Variants in EHD3 observed in about 807,000 individuals in gnomAD.
The protein encoded by EHD3 is EH domain-containing protein 3.
Under a neutral mutation model 43.0 loss-of-function variants are expected in EHD3, and 17 were observed. That is an observed-to-expected ratio of 0.40 (90% confidence interval 0.27 to 0.59). The LOEUF is 0.59. EHD3 is among the 20% of genes least tolerant of loss of function. EHD3 has a pLI of 0.49. For missense variants in EHD3, 594 were observed against 705.6 expected (o/e 0.84, Z 1.79); for synonymous variants, 313 against 289.5 (o/e 1.08, Z -0.82).
At chr2:31,263,530 C>T (rs1307263272) in intron 5 of EHD3, among the ~76,000 whole-genome samples, 3 of 152,110 alleles carry the variant, frequency 2.0e-5, no homozygotes, top group African/African-American at 7.2e-5. Context: ...CCAAACATAC[C>T]TAGATGTGAG....
chr2:31,266,461 G>A lies in EHD3; in HGVS notation c.1365G>A (p.Leu455=), dbSNP rs148305052. Residue 455 remains leucine, a synonymous_variant, in exon 6 of 6, where the codon CTG becomes CTA. Coordinates refer to ENST00000322054, the MANE Select transcript of EHD3 (RefSeq NM_014600.3). The surrounding 1 kb of genome is among the most constrained non-coding windows in gnomAD (Gnocchi z 5.1). ...KPMYDEIFYT[L]SPVDGKITGA... is the part of the protein sequence containing the mutation. ...TGTACGACGAGATCTTCTACACCCTGTCACCGGTGGATGGCAAGATCACAG... is the reference window on the plus strand; with the variant it reads ...TGTACGACGAGATCTTCTACACCCTATCACCGGTGGATGGCAAGATCACAG... 8,053 of 1,614,170 alleles carry A rather than the reference G, an allele frequency of 5.0e-3. 31 individuals are homozygous for A. The highest frequency in any genetic ancestry group is 6.3e-3 in the Middle Eastern group (38 of 6,062).
intron 3 of EHD3, among the ~76,000 whole-genome samples, chr2:31,256,726 C>T (rs1572469983): frequency 6.6e-6 from 1 of 152,326 alleles, no homozygotes; most frequent in Non-Finnish European, 1.5e-5. Flanking sequence ...TCGCTGGTGT[C>T]ATCAGGGATT....
intron 3 of EHD3, among the ~76,000 whole-genome samples, chr2:31,254,424 T>C (rs1683705732): frequency 6.6e-6 from 1 of 152,218 alleles, no homozygotes; most frequent in Non-Finnish European, 1.5e-5. Flanking sequence ...TGGGCGCTCC[T>C]GTGCCTGGGC....
intron 5 of EHD3, among the ~76,000 whole-genome samples, chr2:31,264,675 A>G (rs937599825): frequency 6.6e-6 from 1 of 151,552 alleles, no homozygotes; most frequent in Non-Finnish European, 1.5e-5. Context: ...GACCACAGGC[A>G]TGTGCCACCA....
chr2:31,266,771 C>T lies in EHD3; in HGVS notation c.*67C>T. ...GATGGGAGCGGTGACTACACACACA[C>T]ACACACACACACACACACACACAAA... On this transcript the variant is annotated 3_prime_UTR_variant, in exon 6 of 6. Coordinates refer to ENST00000322054, the MANE Select transcript of EHD3 (RefSeq NM_014600.3). This position sits in a 1 kb window ranked among gnomAD's most constrained non-coding sequence, Gnocchi z 5.1. The T allele has an allele frequency of 1.5e-6, 2 of 1,341,544 alleles. No individual in the cohort carries two copies. The highest frequency in any genetic ancestry group is 1.0e-6 in the Non-Finnish European group (1 of 994,912). The allele number at this position is 1,341,544 out of a possible 1,614,324, so 83.1% of individuals were successfully genotyped here.
At chr2:31,234,928 A>G (rs1683295558) in intron 1 of EHD3, 80 bp downstream of exon 1, 2 of 1,369,330 alleles carry the variant, frequency 1.5e-6, no homozygotes, top group Non-Finnish European at 2.1e-6. Flanking sequence ...GCTCCATCCC[A>G]GACAGGGGAC....
chr2:31,257,551 C>A (rs544714500), intron 3 of EHD3, among the ~76,000 whole-genome samples: 52 of 152,316 alleles, frequency 3.4e-4, no homozygotes, highest in African/African-American at 1.2e-3. Context: ...TCTCTCCTCT[C>A]TGAACCTCAG....
chr2:31,246,060 T>C (rs1036575593), intron 2 of EHD3, among the ~76,000 whole-genome samples: 6 of 152,030 alleles, frequency 3.9e-5, no homozygotes, highest in African/African-American at 1.2e-4. Flanking sequence ...CTGAGAAATC[T>C]TGGGAACTTG....
At chr2:31,262,497 A>G (rs1683874103) in intron 5 of EHD3, among the ~76,000 whole-genome samples, 1 of 152,240 alleles carries the variant, frequency 6.6e-6, no homozygotes, top group Admixed American at 6.5e-5. Flanking sequence ...AGCCCTTAGC[A>G]CAAAGCCAGA....
At position 31,240,618 on chromosome 2, in the gene EHD3, G is replaced by A. The variant is rs186642361; in HGVS notation, c.228-3656G>A. ...CTCTAGGCCCTTGCCTGACCACCTC[G>A]GGCTGCAGCCCTGTAACTTCCCCGG... On this transcript the variant is annotated intron_variant, in intron 1 of 5. Transcript: ENST00000322054. 6.2e-3 allele frequency among the ~76,000 whole-genome samples: 945 copies of A among 152,246 alleles called. 12 individuals carry two copies. The highest frequency in any genetic ancestry group is 0.022 in the African/African-American group (898 of 41,552).
chr2:31,234,717 G>C lies in EHD3; in HGVS notation c.96G>C (p.Lys32Asn), dbSNP rs760138506. The change falls in exon 1 of 6, where the codon AAG becomes AAC. Residue 32 changes from lysine (K) to asparagine (N), a missense_variant. Physicochemically the swap from Lys to Asn is moderately conservative, Grantham distance 94 (BLOSUM62 0). Coordinates refer to ENST00000322054, the MANE Select transcript of EHD3 (RefSeq NM_014600.3). ...GGCTCAAGAAACTCTACAAGAGCAAGCTGCTGCCCTTGGAAGAGCATTACC... is the reference window on the plus strand; with the variant it reads ...GGCTCAAGAAACTCTACAAGAGCAACCTGCTGCCCTTGGAAGAGCATTACC... ...SEGLKKLYKS[K>N]LLPLEEHYRF... The C allele has an allele frequency of 2.5e-6, 4 of 1,614,106 alleles. No homozygotes were observed. Among genetic ancestry groups the C allele is most frequent in the African/African-American group, 2.7e-5 (2 of 74,950 alleles).
At chr2:31,248,536 C>T (rs1683571645) in intron 2 of EHD3, among the ~76,000 whole-genome samples, 1 of 152,152 alleles carries the variant, frequency 6.6e-6, no homozygotes, top group Non-Finnish European at 1.5e-5. Context: ...TTAGTGTCCC[C>T]AACAGCAGGA....
intron 3 of EHD3, among the ~76,000 whole-genome samples, chr2:31,259,506 G>T (rs1683807762): frequency 6.6e-6 from 1 of 152,064 alleles, no homozygotes. Flanking sequence ...AACTTCTCTG[G>T]GGCTCCTGTA....
chr2:31,267,089 CTT>C lies in EHD3; in HGVS notation c.*388_*389del, dbSNP rs1288695986. ...CCGGGCTCTGAGCAAATGGAAAAGA[CTT>C]TTCATTTAGTAGACAATTCACTTCT... On this transcript the variant is annotated 3_prime_UTR_variant, in exon 6 of 6. Transcript: ENST00000322054. 2 of 188,886 alleles carry C rather than the reference CTT, an allele frequency of 1.1e-5. No homozygotes were observed. Among genetic ancestry groups the C allele is most frequent in the Non-Finnish European group, 2.2e-5 (2 of 92,038 alleles). 11.7% of individuals were successfully genotyped at this position (188,886 alleles called of 1,614,324 possible).
intron 2 of EHD3, among the ~76,000 whole-genome samples, chr2:31,246,278 G>A (rs1282263254): frequency 6.6e-6 from 1 of 152,140 alleles, no homozygotes; most frequent in African/African-American, 2.4e-5. Flanking sequence ...GGGGTGGGAT[G>A]AGCATGATTC....
At chr2:31,245,221 G>A (rs1683494784) in intron 2 of EHD3, among the ~76,000 whole-genome samples, 1 of 152,132 alleles carries the variant, frequency 6.6e-6, no homozygotes, top group Admixed American at 6.5e-5. Context: ...CCTTCAGATA[G>A]ACCTGGGTTC....
At position 31,261,831 on chromosome 2, in the gene EHD3, CA is replaced by C; in HGVS notation, c.1080+119del. ...CAGGGAGAACCCCGCCCAGAATCTG[CA>C]GGCAAGGAGGTGGCCCTGGATCTAC... On this transcript the variant is annotated intron_variant, in intron 5 of 5. Transcript: ENST00000322054. 16 of 1,114,438 alleles carry C rather than the reference CA, an allele frequency of 1.4e-5. No individual in the cohort carries two copies. The South Asian group carries it at 1.6e-4, about 11-fold the overall frequency. 69.0% of individuals were successfully genotyped at this position (1,114,438 alleles called of 1,614,324 possible). A position where few individuals can be genotyped will look rare whatever the true frequency, so the allele number is the denominator to read the frequency against.
chr2:31,239,960 G>A (rs1683388616), intron 1 of EHD3, among the ~76,000 whole-genome samples: 1 of 152,142 alleles, frequency 6.6e-6, no homozygotes. Flanking sequence ...GACGGTGCCG[G>A]GTAGTGCCCT....
chr2:31,258,142 G>C (rs1683787851), intron 3 of EHD3, among the ~76,000 whole-genome samples: 1 of 152,166 alleles, frequency 6.6e-6, no homozygotes, highest in South Asian at 2.1e-4. Context: ...GGAATGCTTG[G>C]AAGCACTTCA....
Sources: allele counts gnomAD v4.1 joint callset (sites outside exome capture counted in the v4.1 genomes callset), GRCh38; gene constraint gnomAD v4.1.1; non-coding constraint Gnocchi (gnomAD v3.1); transcripts MANE v1.5; gene names NCBI Gene and HGNC (gene_info 2026-07-23, HGNC 2026-07-21).